The following PKHD1 variants were observed in gnomAD, a reference collection of about 807,000 sequenced individuals.
PKHD1 encodes the protein fibrocystin.
In PKHD1, 291 loss-of-function variants were observed where a neutral mutation model predicts 412.0. The ratio of observed to expected loss-of-function variants is 0.71; its 90% CI spans 0.64 to 0.78. The LOEUF (loss-of-function observed/expected upper bound fraction) is 0.78. Among genes scored for constraint, PKHD1 ranks in the 30% least tolerant of loss-of-function variants. The probability of loss-of-function intolerance (pLI) is 0.00; values close to 1 mark genes in which losing one functional copy is unlikely to be tolerated. For missense variants in PKHD1, 4,825 were observed against 4,950.7 expected (o/e 0.97, Z 0.76); for synonymous variants, 1,777 against 1,821.5 (o/e 0.98, Z 0.62).
rs753860087 is a variant in PKHD1 at position 51,619,486 on chromosome 6, G to T, written c.11820C>A (p.Asn3940Lys). The T allele has an allele frequency of 6.2e-7, 1 of 1,614,066 alleles. No homozygotes were observed. Among genetic ancestry groups the T allele is most frequent in the South Asian group, 1.1e-5 (1 of 91,086 alleles). The change falls in exon 67 of 67, where the codon AAC (asparagine) becomes AAA (lysine). Residue 3940 changes from asparagine to lysine, a missense_variant. Transcript: ENST00000371117. Reference sequence around the variant, plus strand: ...CATTCATCAACTGGTGGGGGCACTGGTTCACCTTGCCCAGCATGACCTTCA... The same window carrying T: ...CATTCATCAACTGGTGGGGGCACTGTTTCACCTTGCCCAGCATGACCTTCA... ...MRMKVMLGKV[N>K]QCPHQLMNGV...
In PKHD1 at chr6:52,056,700, C is replaced by T. The variant is rs757182803; in HGVS notation, c.1691G>A (p.Arg564Gln). 7.5e-6 allele frequency: 12 copies of T among 1,609,564 alleles called. No homozygotes were observed. In the African/African-American group the frequency reaches 1.1e-4, roughly 14 times the overall value. Residue 564 changes from arginine (R) to glutamine (Q), a missense_variant and splice_region_variant, in exon 18 of 67, where the codon CGA (arginine) becomes CAA (glutamine). By Grantham distance (43) the Arg-to-Gln change is conservative (BLOSUM62 1). Transcript: ENST00000371117. ...CAGAATGAAGCCACGGACAGCACCT[C>T]GTTCAAATCCAAGCCGGAGAAGGAT... ...SNILLRLGFERGPEVSNSDGD... is the reference protein window; with the variant it reads ...SNILLRLGFEQGPEVSNSDGD...
chr6:51,710,624 T>A (rs1780543289), intron 60 of PKHD1, among the ~76,000 whole-genome samples: 1 of 152,134 alleles, frequency 6.6e-6, no homozygotes, highest in African/African-American at 2.4e-5. Context: ...CAGGCCAAAC[T>A]CATTAAACAT....
chr6:51,856,315 C>G (rs952332397), intron 48 of PKHD1, among the ~76,000 whole-genome samples: 1 of 152,110 alleles, frequency 6.6e-6, no homozygotes, highest in Non-Finnish European at 1.5e-5. Flanking sequence ...GGTGGTGACT[C>G]TCAGGTTTTT....
rs992286263 is a variant in PKHD1, at chr6:51,834,977, T to C, written c.8173+1427A>G. Among the ~76,000 whole-genome samples the C allele has an allele frequency of 3.9e-5, 6 of 152,196 alleles. No homozygotes were observed. In the East Asian group the frequency reaches 9.6e-4, roughly 24 times the overall value. ...TATGACTAAGTTTAATATCTGGGCT[T>C]CACATCCCCATTTGTAAAATGAGGC... On this transcript the variant is annotated intron_variant, in intron 51 of 66. Transcript: ENST00000371117.
At position 51,619,440 on chromosome 6, in the gene PKHD1, T is replaced by C. The variant is rs1184938021; in HGVS notation, c.11866A>G (p.Ser3956Gly). Residue 3956 changes from serine to glycine, a missense_variant, in exon 67 of 67, where the codon AGC (serine) becomes GGC (glycine). Coordinates refer to ENST00000371117, the MANE Select transcript of PKHD1 (RefSeq NM_138694.4). ...LMNGVSRRKV[S>G]RHIVREEEAA... ...TCTTCCTCTCGGACAATGTGGCGGC[T>C]AACTTTCCTTCTGGACACTCCATTC... The C allele has an allele frequency of 6.2e-7, 1 of 1,613,856 alleles. No individual in the cohort carries two copies. Among genetic ancestry groups the C allele is most frequent in the Admixed American group, 1.7e-5 (1 of 60,024 alleles).
At position 52,043,078 on chromosome 6, in the gene PKHD1, G is replaced by T. The variant is rs756604763; in HGVS notation, c.2878C>A (p.Gln960Lys). The T allele has an allele frequency of 1.6e-5, 26 of 1,613,552 alleles. No individual in the cohort carries two copies. Among genetic ancestry groups the T allele is most frequent in the Non-Finnish European group, 2.2e-5 (26 of 1,179,504 alleles). ...TTGTTCACTGTAACCTGCAAGAACT[G>T]GGAGTCACCAGAGAAACCAGTTCCG... ...ITGTGFSGDSQFLQVTVNKTS... is the reference protein window; with the variant it reads ...ITGTGFSGDSKFLQVTVNKTS... The change falls in exon 27 of 67, where the codon CAG becomes AAG. Residue 960 changes from glutamine to lysine, a missense_variant. Transcript: ENST00000371117.
chr6:51,934,698 A>T (rs530730718), intron 36 of PKHD1, among the ~76,000 whole-genome samples: 1 of 148,866 alleles, frequency 6.7e-6, no homozygotes, highest in Admixed American at 6.6e-5. Context: ...GGCTAGAAGA[A>T]GATGTGCCAA....
intron 55 of PKHD1, among the ~76,000 whole-genome samples, chr6:51,760,353 T>C (rs749815908): frequency 1.3e-5 from 2 of 151,978 alleles, no homozygotes; most frequent in Admixed American, 6.6e-5. Flanking sequence ...CAAAAATATA[T>C]CTCTCCCCTA....
Position 51,664,425 on chromosome 6 carries a change from C to A in PKHD1, c.10157-4456G>T, listed in dbSNP as rs149013014. On this transcript the variant is annotated intron_variant, in intron 60 of 66. Transcript: ENST00000371117. ...TGTGTGATGCAGAGCCCTTGCACAC[C>A]CTGGAGAGTTTAGCCCAGGACCGGT... 5.9e-3 allele frequency among the ~76,000 whole-genome samples: 891 copies of A among 152,226 alleles called. 2 individuals carry two copies. Among genetic ancestry groups the A allele is most frequent in the Non-Finnish European group, 8.9e-3 (607 of 68,018 alleles).
chr6:51,761,947 AAG>A (rs1055948410), intron 55 of PKHD1, among the ~76,000 whole-genome samples: 2 of 151,798 alleles, frequency 1.3e-5, no homozygotes, highest in Admixed American at 1.3e-4. Flanking sequence ...TCAAAAATTT[AAG>A]AGTGATCTTT....
rs543037335 is a variant in PKHD1, at chr6:51,960,002, G to T, written c.5776C>A (p.Arg1926=). 9.3e-6 allele frequency: 15 copies of T among 1,613,368 alleles called. No homozygotes were observed. The South Asian group carries it at 1.6e-4, about 18-fold the overall frequency. The change falls in exon 36 of 67, where the codon CGG becomes AGG. Residue 1926 remains arginine (R), a synonymous_variant. Coordinates refer to ENST00000371117, the MANE Select transcript of PKHD1 (RefSeq NM_138694.4). The part of the protein sequence containing the change: ...TQGNFSLQFC[R]RWSRTHSWFP... ...CAGCTGTGAGTCCTGGACCATCTCC[G>T]GCAGAACTGTAAAGAAAAGTTGCCC... is the stretch of plus-strand genomic sequence containing the variant.
Position 52,053,336 on chromosome 6 carries a change from G to A in PKHD1, c.1965-85C>T. The A allele has an allele frequency of 5.0e-6, 7 of 1,392,008 alleles. No individual in the cohort carries two copies. In the East Asian group the frequency reaches 9.8e-5, roughly 19 times the overall value. The allele number at this position is 1,392,008 out of a possible 1,614,324, so 86.2% of individuals were successfully genotyped here. A position where few individuals can be genotyped will look rare whatever the true frequency, so the allele number is the denominator to read the frequency against. ...TAGAGCCCTTGTTCCCAACCTGGGG[G>A]GCCTGTGAGCTATGCAGCCAGGAGA... On this transcript the variant is annotated intron_variant, in intron 20 of 66. Transcript: ENST00000371117.
At chr6:51,964,443 A>G (rs1427764834) in intron 35 of PKHD1, among the ~76,000 whole-genome samples, 1 of 152,020 alleles carries the variant, frequency 6.6e-6, no homozygotes, top group Non-Finnish European at 1.5e-5. Flanking sequence ...AGTCCCTGTA[A>G]CCATTTTCTC....
chr6:51,966,885 TGATTGGATTGGATTG>T (rs10599413), intron 35 of PKHD1, among the ~76,000 whole-genome samples: 18 of 149,998 alleles, frequency 1.2e-4, no homozygotes, highest in South Asian at 6.4e-4. Context: ...GAGACTGCTC[TGATTGGATTGGATTG>T]GATTGGATTG....
Position 51,727,470 on chromosome 6 carries a change from G to C in PKHD1, c.10156+16915C>G, listed in dbSNP as rs886088166. On this transcript the variant is annotated intron_variant, in intron 60 of 66. Transcript: ENST00000371117. Reference sequence around the variant, plus strand: ...AGTACGCTTGATAGAGATCCAAGTGGGTGACTTGAAGAACAAGTGTGGTGT... The same window carrying C: ...AGTACGCTTGATAGAGATCCAAGTGCGTGACTTGAAGAACAAGTGTGGTGT... Among the ~76,000 whole-genome samples, 12 of 152,242 alleles carry C rather than the reference G, an allele frequency of 7.9e-5. No homozygotes were observed. In the East Asian group the frequency reaches 1.5e-3, roughly 20 times the overall value.
chr6:51,930,938 AC>A (rs751511198), intron 37 of PKHD1, among the ~76,000 whole-genome samples: 1 of 152,070 alleles, frequency 6.6e-6, no homozygotes, highest in Non-Finnish European at 1.5e-5. Flanking sequence ...CAAGGTTAAA[AC>A]CCTTCTGTTA....
intron 60 of PKHD1, among the ~76,000 whole-genome samples, chr6:51,690,225 T>C (rs907577347): frequency 7.4e-6 from 1 of 135,804 alleles, no homozygotes; most frequent in Non-Finnish European, 1.5e-5. Context: ...CGAGCCGAGA[T>C]CATGACACTG....
chr6:51,884,993 A>C (rs1314717280), intron 45 of PKHD1, among the ~76,000 whole-genome samples: 1 of 152,184 alleles, frequency 6.6e-6, no homozygotes, highest in Non-Finnish European at 1.5e-5. Context: ...ATCCACAGTT[A>C]TCTTTCTTTT....
intron 51 of PKHD1, 128 bp downstream of exon 51, chr6:51,836,276 T>C: frequency 1.4e-6 from 1 of 732,262 alleles, no homozygotes; most frequent in Non-Finnish European, 2.5e-6. Flanking sequence ...AATAGAGAGT[T>C]ATCAGACATA....
Sources: gnomAD v4.1 joint callset for allele counts (sites outside exome capture counted in the v4.1 genomes callset) on GRCh38, gnomAD v4.1.1 for gene constraint, MANE v1.5 for transcripts, NCBI Gene and HGNC (gene_info 2026-07-23, HGNC 2026-07-21) for gene names.